The following OR9Q1 variants were observed in gnomAD, a reference collection of about 807,000 sequenced individuals.
The protein encoded by OR9Q1 is olfactory receptor family 9 subfamily Q member 1, also known as olfactory receptor 9Q1.
For missense variants in OR9Q1, 374 were observed against 378.8 expected (o/e 0.99, Z 0.11); for synonymous variants, 153 against 148.6 (o/e 1.03, Z -0.22).
rs148488069 is a variant in OR9Q1, at chr11:58,155,654, T to C, written c.-14-23777T>C. 5.2e-3 allele frequency among the ~76,000 whole-genome samples: 785 copies of C among 152,296 alleles called. 7 individuals are homozygous for C. The highest frequency in any genetic ancestry group is 0.018 in the African/African-American group (757 of 41,562). On this transcript the variant is annotated intron_variant, in intron 2 of 2. Transcript: ENST00000335397. The stretch of plus-strand genomic sequence containing the variant: ...AGGAAGACCTGGATTTGATGCTGCC[T>C]CCATTATTCCTGTGAGATATTGAAC...
chr11:58,098,035 G>A (rs771630963), intron 2 of OR9Q1, among the ~76,000 whole-genome samples: 3 of 152,146 alleles, frequency 2.0e-5, no homozygotes, highest in Non-Finnish European at 4.4e-5. Context: ...CGGTAATTGT[G>A]TATATATGTG....
intron 2 of OR9Q1, among the ~76,000 whole-genome samples, chr11:58,168,192 C>T (rs540204577): frequency 1.3e-5 from 2 of 152,302 alleles, no homozygotes; most frequent in South Asian, 2.1e-4. Flanking sequence ...TCAAAAATAA[C>T]TCAGTAAAGA....
chr11:58,103,535 T>C (rs2120091599), intron 2 of OR9Q1, among the ~76,000 whole-genome samples: 1 of 152,350 alleles, frequency 6.6e-6, no homozygotes, highest in Non-Finnish European at 1.5e-5. Flanking sequence ...TTTTCTTGTA[T>C]CTCACTGAAT....
At chr11:58,118,042 A>T (rs2120124712) in intron 2 of OR9Q1, 1 of 153,614 alleles carries the variant, frequency 6.5e-6, no homozygotes, top group Non-Finnish European at 1.4e-5. Context: ...TGAGGTGATC[A>T]GTCCTTCATA....
intron 2 of OR9Q1, among the ~76,000 whole-genome samples, chr11:58,073,794 C>G (rs1853512880): frequency 6.6e-6 from 1 of 152,094 alleles, no homozygotes; most frequent in African/African-American, 2.4e-5. Context: ...TAATGCTATC[C>G]CTCCCCTTGC....
At chr11:58,126,065 T>A (rs1854087543) in intron 2 of OR9Q1, among the ~76,000 whole-genome samples, 1 of 152,060 alleles carries the variant, frequency 6.6e-6, no homozygotes, top group African/African-American at 2.4e-5. Flanking sequence ...AAGGTATGAG[T>A]CTGGTGTGGT....
intron 2 of OR9Q1, among the ~76,000 whole-genome samples, chr11:58,131,840 A>G (rs1420892263): frequency 6.6e-6 from 1 of 152,124 alleles, no homozygotes; most frequent in Non-Finnish European, 1.5e-5. Context: ...CCACTTGAGA[A>G]ACTTTATAAC....
At chr11:58,044,289 T>G (rs2119947705) in intron 1 of OR9Q1, 1 of 152,374 alleles carries the variant, frequency 6.6e-6, no homozygotes, top group East Asian at 1.9e-4. Flanking sequence ...GGCCACCCTC[T>G]GACCAAGAAC....
intron 2 of OR9Q1, among the ~76,000 whole-genome samples, chr11:58,110,410 A>C (rs1853888041): frequency 6.6e-6 from 1 of 152,076 alleles, no homozygotes; most frequent in Non-Finnish European, 1.5e-5. Flanking sequence ...ACCTGCCTTG[A>C]GTTTCTTTTC....
At chr11:58,149,040 T>C (rs1447182) in intron 2 of OR9Q1, among the ~76,000 whole-genome samples, 124,373 of 152,166 alleles carry the variant, frequency 0.82, 50,972 homozygotes, top group East Asian at 0.96. Context: ...ACATCTTTGT[T>C]CTTATTTAAA....
rs191262252 is a variant in OR9Q1, at chr11:58,080,773, A to G, written c.-15+24826A>G. ...TTAGCATTTTTCCATACGTTTGTTGACTGCTCGTATGTGTCCATCTGAGAA... is the reference window on the plus strand; with the variant it reads ...TTAGCATTTTTCCATACGTTTGTTGGCTGCTCGTATGTGTCCATCTGAGAA... On this transcript the variant is annotated intron_variant, in intron 2 of 2. Transcript: ENST00000335397. Among the ~76,000 whole-genome samples, 16 of 152,160 alleles carry G rather than the reference A, an allele frequency of 1.1e-4. No homozygotes were observed. In the East Asian group the frequency reaches 2.9e-3, roughly 28 times the overall value.
chr11:58,079,766 T>C (rs1853571582), intron 2 of OR9Q1, among the ~76,000 whole-genome samples: 1 of 152,174 alleles, frequency 6.6e-6, no homozygotes, highest in African/African-American at 2.4e-5. Flanking sequence ...GAAGTCATTA[T>C]TGACCATTCA....
chr11:58,096,695 G>A (rs1313368161), intron 2 of OR9Q1, among the ~76,000 whole-genome samples: 2 of 125,200 alleles, frequency 1.6e-5, no homozygotes, highest in African/African-American at 6.0e-5. Flanking sequence ...ATTTTTTTGA[G>A]ACAGTCTCTT....
chr11:58,079,558 T>C (rs1590576377), intron 2 of OR9Q1, among the ~76,000 whole-genome samples: 1 of 152,150 alleles, frequency 6.6e-6, no homozygotes, highest in African/African-American at 2.4e-5. Flanking sequence ...TGAAACTGTA[T>C]GGTCTCATGA....
At chr11:58,106,080 C>T (rs1392001788) in intron 2 of OR9Q1, among the ~76,000 whole-genome samples, 1 of 151,846 alleles carries the variant, frequency 6.6e-6, no homozygotes, top group Non-Finnish European at 1.5e-5. Context: ...AACATCCCCA[C>T]AAACATGTTC....
chr11:58,067,564 T>C (rs2120010664), intron 2 of OR9Q1, among the ~76,000 whole-genome samples: 1 of 152,212 alleles, frequency 6.6e-6, no homozygotes, highest in South Asian at 2.1e-4. Flanking sequence ...TCCAGAAAGG[T>C]CCAGTTGAGC....
At chr11:58,101,197 C>G in intron 2 of OR9Q1, among the ~76,000 whole-genome samples, 1 of 151,844 alleles carries the variant, frequency 6.6e-6, no homozygotes, top group Middle Eastern at 3.4e-3. Context: ...TGTTCTGTTC[C>G]TTAAGAAATC....
intron 2 of OR9Q1, among the ~76,000 whole-genome samples, chr11:58,139,801 T>A (rs943174226): frequency 2.0e-5 from 3 of 152,124 alleles, no homozygotes; most frequent in African/African-American, 7.2e-5. Context: ...ATATACCCAG[T>A]AATGGGATGG....
chr11:58,045,192 C>G (rs1048959039), intron 1 of OR9Q1: 2 of 151,994 alleles, frequency 1.3e-5, no homozygotes, highest in Non-Finnish European at 2.9e-5. Context: ...CCAAGCAATT[C>G]GGATAAGGGA....
Sources: allele counts gnomAD v4.1 joint callset (sites outside exome capture counted in the v4.1 genomes callset), GRCh38; gene constraint gnomAD v4.1.1; transcripts MANE v1.5; gene names NCBI Gene and HGNC (gene_info 2026-07-23, HGNC 2026-07-21).